Variants in ZFR2 observed in about 807,000 individuals in gnomAD.
ZFR2 encodes the protein zinc finger RNA-binding protein 2.
A neutral mutation model predicts 105.7 loss-of-function variants in ZFR2; 104 were observed. The ratio of observed to expected loss-of-function variants is 0.98; its 90% CI spans 0.84 to 1.16. The LOEUF is 1.16. Ranked by LOEUF, ZFR2 falls within the 50% of genes most tolerant of loss-of-function variation. The probability of loss-of-function intolerance (pLI) is 0.00; values close to 1 mark genes in which losing one functional copy is unlikely to be tolerated. For missense variants in ZFR2, 1,425 were observed against 1,355.5 expected (o/e 1.05, Z -0.80); for synonymous variants, 634 against 597.7 (o/e 1.06, Z -0.89).
At position 3,833,797 on chromosome 19, in the gene ZFR2, A is replaced by G. The variant is rs755917888; in HGVS notation, c.265-19T>C. On this transcript the variant is annotated intron_variant, in intron 2 of 18. Transcript: ENST00000262961. Reference sequence around the variant, plus strand: ...AACTGTCCTATGTGGGGGTTTCGGCAGGAGAGAGACAGAGAACGGAGGAGA... The same window carrying G: ...AACTGTCCTATGTGGGGGTTTCGGCGGGAGAGAGACAGAGAACGGAGGAGA... The G allele has an allele frequency of 6.4e-7, 1 of 1,552,522 alleles. No homozygotes were observed. The highest frequency in any genetic ancestry group is 8.7e-7 in the Non-Finnish European group (1 of 1,146,122).
At chr19:3,829,283 C>G (rs2037985418) in intron 5 of ZFR2, among the ~76,000 whole-genome samples, 2 of 151,358 alleles carry the variant, frequency 1.3e-5, no homozygotes, top group African/African-American at 4.9e-5. Context: ...AGTCTTGAAC[C>G]TCATAAATAT....
At chr19:3,842,743 C>T (rs962644210) in intron 1 of ZFR2, among the ~76,000 whole-genome samples, 1 of 151,860 alleles carries the variant, frequency 6.6e-6, no homozygotes, top group Non-Finnish European at 1.5e-5. Context: ...CCTGCCTCAG[C>T]CTGTCGAGTA....
intron 13 of ZFR2, among the ~76,000 whole-genome samples, 186 bp downstream of exon 13, chr19:3,816,488 C>T (rs2037825652): frequency 1.3e-5 from 2 of 152,012 alleles, no homozygotes; most frequent in African/African-American, 4.8e-5. Flanking sequence ...TCAAGCGATC[C>T]ACCTGCCTCA....
rs938192836 is a variant in ZFR2, at chr19:3,823,898, C to T, written c.1214-495G>A. Among the ~76,000 whole-genome samples, 19 of 152,174 alleles carry T rather than the reference C, an allele frequency of 1.2e-4. No individual in the cohort carries two copies. The highest frequency in any genetic ancestry group is 2.2e-4 in the Non-Finnish European group (15 of 68,030). ...CCTCGACCCCTGCCCACGCACAGCA[C>T]GGTGGTCCAGGGCAGAGACTCTTAG... On this transcript the variant is annotated intron_variant, in intron 7 of 18. Coordinates refer to ENST00000262961, the MANE Select transcript of ZFR2 (RefSeq NM_015174.2). The surrounding 1 kb of genome is among the most constrained non-coding windows in gnomAD (Gnocchi z 5.4).
intron 1 of ZFR2, among the ~76,000 whole-genome samples, chr19:3,847,643 G>A (rs554270590): frequency 1.2e-4 from 19 of 152,276 alleles, no homozygotes; most frequent in South Asian, 1.0e-3. Flanking sequence ...CTGCACACAC[G>A]GGGAGAGGCT....
chr19:3,828,383 T>C (rs1230530133), intron 5 of ZFR2, among the ~76,000 whole-genome samples: 1 of 152,174 alleles, frequency 6.6e-6, no homozygotes, highest in Non-Finnish European at 1.5e-5. Flanking sequence ...GGTTTCTTCC[T>C]TCTTCTGGAA....
chr19:3,855,448 T>C (rs1404674184), intron 1 of ZFR2: 11 of 1,231,582 alleles, frequency 8.9e-6, no homozygotes, highest in Non-Finnish European at 1.0e-5. Context: ...GGCAGATTCA[T>C]TGAGTCATTG....
chr19:3,848,632 A>C (rs547621976), intron 1 of ZFR2, among the ~76,000 whole-genome samples: 14 of 151,436 alleles, frequency 9.2e-5, no homozygotes, highest in Admixed American at 3.9e-4. Flanking sequence ...TCTTGAACCT[A>C]GTAGGTTGAG....
chr19:3,834,763 G>A lies in ZFR2; in HGVS notation c.264+10C>T. ...TCCCGGCAACGCTGGTCAAAGAAAGGACTGGATACCTGGTAGGTAGCCATG... is the reference window on the plus strand; with the variant it reads ...TCCCGGCAACGCTGGTCAAAGAAAGAACTGGATACCTGGTAGGTAGCCATG... On this transcript the variant is annotated intron_variant, in intron 2 of 18. Coordinates refer to ENST00000262961, the MANE Select transcript of ZFR2 (RefSeq NM_015174.2). The surrounding 1 kb of genome is among the most constrained non-coding windows in gnomAD (Gnocchi z 5.3). 3 of 1,611,012 alleles carry A rather than the reference G, an allele frequency of 1.9e-6. No homozygotes were observed. Among genetic ancestry groups the A allele is most frequent in the Non-Finnish European group, 2.5e-6 (3 of 1,179,638 alleles).
chr19:3,820,069 C>T, intron 11 of ZFR2, 113 bp downstream of exon 11: 1 of 1,049,980 alleles, frequency 9.5e-7, no homozygotes, highest in Non-Finnish European at 1.4e-6. Context: ...GGAGCCCCAT[C>T]CCCTGAGTAC....
intron 14 of ZFR2, 43 bp from the exon 15 acceptor site, chr19:3,811,409 G>A (rs373016078): frequency 7.3e-5 from 112 of 1,530,694 alleles, no homozygotes; most frequent in South Asian, 2.4e-4. Flanking sequence ...AAGGTGCCTC[G>A]TCCCGCTCTG....
rs771967431 is a variant in ZFR2, at chr19:3,807,205, G to A, written c.2610C>T (p.Leu870=). ...DQTDALEPMT[L]QEREDVTASA... ...TGGCGGTCACGTCTTCCCGCTCTTG[G>A]AGGGTCATGGGCTCGAGGGCATCTG... Residue 870 remains leucine (L), a synonymous_variant, in exon 18 of 19, where the codon CTC becomes CTT. Coordinates refer to ENST00000262961, the MANE Select transcript of ZFR2 (RefSeq NM_015174.2). 5.1e-6 allele frequency: 8 copies of A among 1,559,160 alleles called. No individual in the cohort carries two copies. The highest frequency in any genetic ancestry group is 6.1e-6 in the Non-Finnish European group (7 of 1,150,892).
At chr19:3,845,111 T>A (rs2145175340) in intron 1 of ZFR2, among the ~76,000 whole-genome samples, 1 of 152,324 alleles carries the variant, frequency 6.6e-6, no homozygotes, top group South Asian at 2.1e-4. Flanking sequence ...CCCTGTGTCC[T>A]CACGTGGTTG....
chr19:3,856,103 CG>C (rs1157882510), intron 1 of ZFR2, among the ~76,000 whole-genome samples: 1 of 152,148 alleles, frequency 6.6e-6, no homozygotes, highest in Non-Finnish European at 1.5e-5. Context: ...AGGCGGTGCG[CG>C]TGCAGGGGCG....
At chr19:3,846,256 C>T (rs931372083) in intron 1 of ZFR2, among the ~76,000 whole-genome samples, 2 of 152,206 alleles carry the variant, frequency 1.3e-5, no homozygotes, top group African/African-American at 4.8e-5. Flanking sequence ...GGATTACAGG[C>T]GTGAGCCACT....
intron 17 of ZFR2, among the ~76,000 whole-genome samples, chr19:3,808,011 G>A (rs1412500798): frequency 1.3e-5 from 2 of 149,116 alleles, no homozygotes; most frequent in African/African-American, 5.0e-5. Context: ...ACATCCATGT[G>A]TGCACCTGTA....
At chr19:3,830,900 C>G (rs2038004501) in intron 5 of ZFR2, among the ~76,000 whole-genome samples, 1 of 152,216 alleles carries the variant, frequency 6.6e-6, no homozygotes, top group African/African-American at 2.4e-5. Context: ...CGCATGCACA[C>G]ACACACACGG....
At position 3,811,267 on chromosome 19, in the gene ZFR2, C is replaced by G. The variant is rs1555752892; in HGVS notation, c.2337+5G>C. 10 of 1,580,882 alleles carry G rather than the reference C, an allele frequency of 6.3e-6. No homozygotes were observed. Among genetic ancestry groups the G allele is most frequent in the Admixed American group, 3.6e-5 (2 of 55,878 alleles). ...CTCCCCCTGCTCCACCCCTGCCCCC[C>G]TGACCTGAAACCACCTGGCATGACG... On this transcript the variant is annotated splice_donor_5th_base_variant and intron_variant, in intron 15 of 18. Coordinates refer to ENST00000262961, the MANE Select transcript of ZFR2 (RefSeq NM_015174.2).
chr19:3,849,058 G>T (rs1253115312), intron 1 of ZFR2, among the ~76,000 whole-genome samples: 1 of 152,224 alleles, frequency 6.6e-6, no homozygotes, highest in Non-Finnish European at 1.5e-5. Context: ...TTCAGTACTA[G>T]ATAGTAAATC....
Sources: allele counts gnomAD v4.1 joint callset (sites outside exome capture counted in the v4.1 genomes callset), GRCh38; gene constraint gnomAD v4.1.1; non-coding constraint Gnocchi (gnomAD v3.1); transcripts MANE v1.5; gene names NCBI Gene and HGNC (gene_info 2026-07-23, HGNC 2026-07-21).